Variants in EPHA5 observed in about 807,000 individuals in gnomAD.
The protein encoded by EPHA5 is ephrin type-A receptor 5.
Under a neutral mutation model 105.0 loss-of-function variants are expected in EPHA5, and 60 were observed. That is an observed-to-expected ratio of 0.57 (90% CI 0.46 to 0.71). The LOEUF (loss-of-function observed/expected upper bound fraction) is 0.71. Ranked by LOEUF, EPHA5 falls within the 30% of genes least tolerant of loss-of-function variation. EPHA5 has a pLI of 0.00. For synonymous variants in EPHA5, 513 were observed against 449.1 expected (o/e 1.14, Z -1.80); for missense variants, 1,218 against 1,274.7 (o/e 0.96, Z 0.68).
rs765624878 is a variant in EPHA5 at position 65,602,082 on chromosome 4, C to T, written c.469G>A (p.Glu157Lys). Reference protein sequence around the residue: ...CKETFNMYYFESDDQNGRNIK... With the variant: ...CKETFNMYYFKSDDQNGRNIK... ...TTTCTCCCATTCTGATCATCTGACT[C>T]AAAGTAATACATATTAAAGGTTTCC... The change falls in exon 3 of 17, where the codon GAG becomes AAG. Residue 157 changes from glutamate to lysine, a missense_variant. By Grantham distance (56) the Glu-to-Lys change is moderately conservative. Coordinates refer to ENST00000613740, the MANE Select transcript of EPHA5 (RefSeq NM_001281766.3). The T allele has an allele frequency of 1.2e-6, 2 of 1,614,058 alleles. No homozygotes were observed. Among genetic ancestry groups the T allele is most frequent in the South Asian group, 1.1e-5 (1 of 91,074 alleles).
chr4:65,490,223 T>C (rs1343407381), intron 5 of EPHA5, among the ~76,000 whole-genome samples, 154 bp downstream of exon 5: 1 of 152,226 alleles, frequency 6.6e-6, no homozygotes, highest in Non-Finnish European at 1.5e-5. Flanking sequence ...TATTTAAAAC[T>C]GCAAAAGCGT....
chr4:65,548,568 T>G (rs1560681586), intron 3 of EPHA5, among the ~76,000 whole-genome samples: 1 of 152,034 alleles, frequency 6.6e-6, no homozygotes, highest in South Asian at 2.1e-4. Flanking sequence ...AAACCACAAA[T>G]TGAAGAAACT....
At chr4:65,399,968 T>C (rs1034359358) in intron 8 of EPHA5, among the ~76,000 whole-genome samples, 4 of 152,160 alleles carry the variant, frequency 2.6e-5, no homozygotes, top group African/African-American at 9.6e-5. Flanking sequence ...CTCTGAACTA[T>C]TCAGTAGTTA....
chr4:65,360,451 T>A (rs1470661030), intron 11 of EPHA5, among the ~76,000 whole-genome samples: 3 of 151,748 alleles, frequency 2.0e-5, no homozygotes, highest in Non-Finnish European at 4.4e-5. Flanking sequence ...CAGATAGAGC[T>A]GTTTTAAAAT....
rs923443869 is a variant in EPHA5, at chr4:65,643,297, G to A, written c.246+66C>T. 6.0e-5 allele frequency: 75 copies of A among 1,247,232 alleles called. No individual in the cohort carries two copies. In the Admixed American group the frequency reaches 1.2e-3, roughly 21 times the overall value. The allele number at this position is 1,247,232 out of a possible 1,614,324, so 77.3% of individuals were successfully genotyped here. A position where few individuals can be genotyped will look rare whatever the true frequency, so the allele number is the denominator to read the frequency against. ...ATACATCCAGTACATATTCATTCCTGTGTTACAAGTATCAAGATGCTTACG... is the reference window on the plus strand; with the variant it reads ...ATACATCCAGTACATATTCATTCCTATGTTACAAGTATCAAGATGCTTACG... On this transcript the variant is annotated intron_variant, in intron 2 of 16. Transcript: ENST00000613740.
At chr4:65,459,713 A>G (rs531882746) in intron 5 of EPHA5, among the ~76,000 whole-genome samples, 1 of 151,858 alleles carries the variant, frequency 6.6e-6, no homozygotes, top group Non-Finnish European at 1.5e-5. Context: ...TGGAAACAAT[A>G]AAATGAAACC....
Position 65,444,498 on chromosome 4 carries a change from A to G in EPHA5, c.1403-23933T>C, listed in dbSNP as rs371828508. 3.7e-4 allele frequency among the ~76,000 whole-genome samples: 57 copies of G among 152,282 alleles called. 1 individual carries two copies. The South Asian group carries it at 0.01, about 27-fold the overall frequency. ...TGATAGAAGAATTTTTATAGGAGCTATCTTGTATATATACCTTGTCTGGTT... is the reference window on the plus strand; with the variant it reads ...TGATAGAAGAATTTTTATAGGAGCTGTCTTGTATATATACCTTGTCTGGTT... On this transcript the variant is annotated intron_variant, in intron 5 of 16. Coordinates refer to ENST00000613740, the MANE Select transcript of EPHA5 (RefSeq NM_001281766.3).
chr4:65,476,139 T>A (rs1314359290), intron 5 of EPHA5, among the ~76,000 whole-genome samples: 1 of 151,244 alleles, frequency 6.6e-6, no homozygotes, highest in African/African-American at 2.4e-5. Flanking sequence ...TGTGTGTGTG[T>A]GTGTGTGTGT....
intron 3 of EPHA5, among the ~76,000 whole-genome samples, chr4:65,576,781 C>T (rs763579696): frequency 2.0e-5 from 3 of 152,276 alleles, no homozygotes; most frequent in East Asian, 1.9e-4. Flanking sequence ...TAACTCTATT[C>T]ATCTGGGAAA....
chr4:65,530,227 G>GA (rs1336684811), intron 3 of EPHA5, among the ~76,000 whole-genome samples: 1 of 151,956 alleles, frequency 6.6e-6, no homozygotes, highest in Non-Finnish European at 1.5e-5. Flanking sequence ...CCCAGTAATA[G>GA]AAAAAACATA....
chr4:65,561,440 C>G (rs6826448), intron 3 of EPHA5, among the ~76,000 whole-genome samples: 1 of 151,718 alleles, frequency 6.6e-6, no homozygotes, highest in Non-Finnish European at 1.5e-5. Flanking sequence ...TTCATAAGCA[C>G]GGGCATCATT....
chr4:65,536,362 G>A (rs12502481), intron 3 of EPHA5, among the ~76,000 whole-genome samples: 77,106 of 151,556 alleles, frequency 0.51, 19,891 homozygotes, highest in Non-Finnish European at 0.53. Context: ...AAAAATCACC[G>A]CATTTAACAA....
intron 1 of EPHA5, among the ~76,000 whole-genome samples, chr4:65,655,001 A>C (rs543300514): frequency 1.3e-5 from 2 of 150,738 alleles, no homozygotes; most frequent in Admixed American, 6.6e-5. Flanking sequence ...TGGTTATGTC[A>C]TTGAATATGC....
chr4:65,531,448 A>G lies in EPHA5; in HGVS notation c.911-35905T>C, dbSNP rs567268619. Among the ~76,000 whole-genome samples the G allele has an allele frequency of 4.8e-5, 7 of 146,198 alleles. No individual in the cohort carries two copies. The South Asian group carries it at 6.3e-4, about 13-fold the overall frequency. On this transcript the variant is annotated intron_variant, in intron 3 of 16. Coordinates refer to ENST00000613740, the MANE Select transcript of EPHA5 (RefSeq NM_001281766.3). The stretch of plus-strand genomic sequence containing the variant: ...AGGAGTTTCTTTAAGAATGAAAGCT[A>G]TATACTGAGATGTCTTTGCAGAATG...
intron 3 of EPHA5, among the ~76,000 whole-genome samples, chr4:65,550,704 C>T (rs1030178817): frequency 1.4e-4 from 21 of 152,080 alleles, no homozygotes; most frequent in African/African-American, 3.6e-4. Context: ...GGCATGGTGG[C>T]GCGCGCCTAT....
At chr4:65,652,276 A>G (rs1474632829) in intron 1 of EPHA5, among the ~76,000 whole-genome samples, 1 of 152,084 alleles carries the variant, frequency 6.6e-6, no homozygotes, top group Admixed American at 6.6e-5. Flanking sequence ...CATAGAGAAT[A>G]CTCATTAGTT....
chr4:65,465,475 GA>G lies in EPHA5; in HGVS notation c.1402+24901del, dbSNP rs768690931. Among the ~76,000 whole-genome samples, 11 of 73,570 alleles carry G rather than the reference GA, an allele frequency of 1.5e-4. No homozygotes were observed. In the East Asian group the frequency reaches 3.4e-3, roughly 23 times the overall value. 48.3% of individuals were successfully genotyped at this position (73,570 alleles called of 152,430 possible). ...AAGAAAGAAAAGAAAGAAAAAGAAA[GA>G]AAGAAAGAAAGAAAGAAAGAAAGAA... On this transcript the variant is annotated intron_variant, in intron 5 of 16. Transcript: ENST00000613740.
intron 2 of EPHA5, among the ~76,000 whole-genome samples, chr4:65,634,101 C>T (rs1008427793): frequency 6.6e-6 from 1 of 151,942 alleles, no homozygotes; most frequent in African/African-American, 2.4e-5. Context: ...AAGGGTAGGA[C>T]ATTTAGCTAG....
intron 1 of EPHA5, among the ~76,000 whole-genome samples, chr4:65,664,306 ATTG>A (rs2149556422): frequency 6.6e-6 from 1 of 152,028 alleles, no homozygotes; most frequent in East Asian, 1.9e-4. Context: ...GCCTTCAAAA[ATTG>A]TTATTAGTAC....
Sources: gnomAD v4.1 joint callset for allele counts (sites outside exome capture counted in the v4.1 genomes callset) on GRCh38, gnomAD v4.1.1 for gene constraint, MANE v1.5 for transcripts, NCBI Gene and HGNC (gene_info 2026-07-23, HGNC 2026-07-21) for gene names.